Variants in SCHIP1 observed in about 807,000 individuals in gnomAD.
SCHIP1 encodes the protein schwannomin interacting protein 1.
In SCHIP1, 8 loss-of-function variants were observed where a neutral mutation model predicts 29.7. That is an observed-to-expected ratio of 0.27 (90% CI 0.16 to 0.49). The LOEUF is 0.49. SCHIP1 is among the 20% of genes least tolerant of loss of function. The probability of loss-of-function intolerance (pLI) is 0.99; values close to 1 mark genes in which losing one functional copy is unlikely to be tolerated. For missense variants in SCHIP1, 193 were observed against 294.6 expected (o/e 0.66, Z 2.52); for synonymous variants, 76 against 94.9 (o/e 0.80, Z 1.16).
intron 2 of SCHIP1, among the ~76,000 whole-genome samples, chr3:159,868,943 C>T (rs951051607): frequency 2.6e-5 from 4 of 151,960 alleles, no homozygotes; most frequent in South Asian, 2.1e-4. Context: ...GGATCCATAA[C>T]GTTACTAACA....
At chr3:159,345,884 A>G in the SCHIP1 span, among the ~76,000 whole-genome samples, 1 of 152,140 alleles carries the variant, frequency 6.6e-6, no homozygotes, top group Non-Finnish European at 1.5e-5. Context: ...CATTAATAGT[A>G]TGGAATGAAT....
chr3:159,847,159 G>T (rs1711955826), intron 1 of SCHIP1, among the ~76,000 whole-genome samples: 1 of 152,138 alleles, frequency 6.6e-6, no homozygotes, highest in Non-Finnish European at 1.5e-5. Flanking sequence ...GTGGTGATGG[G>T]GGGTGGGAAG....
chr3:159,500,452 G>A, the SCHIP1 span, among the ~76,000 whole-genome samples: 6 of 152,068 alleles, frequency 3.9e-5, no homozygotes, highest in African/African-American at 2.4e-5. Flanking sequence ...GTTGGCTCAC[G>A]CCTGTAATCC....
chr3:159,394,020 T>G, the SCHIP1 span, among the ~76,000 whole-genome samples: 67 of 152,114 alleles, frequency 4.4e-4, no homozygotes, highest in South Asian at 5.6e-3. Flanking sequence ...TCCTTGAAGA[T>G]GTCCTTCACA....
chr3:159,443,249 C>T, the SCHIP1 span, among the ~76,000 whole-genome samples: 1 of 152,274 alleles, frequency 6.6e-6, no homozygotes, highest in East Asian at 1.9e-4. Context: ...GAACATAAAT[C>T]TTTCTGATCA....
At chr3:159,582,403 G>A in the SCHIP1 span, among the ~76,000 whole-genome samples, 1 of 152,132 alleles carries the variant, frequency 6.6e-6, no homozygotes, top group Non-Finnish European at 1.5e-5. Context: ...CTGGACTCAA[G>A]TGATCCTCCT....
the SCHIP1 span, among the ~76,000 whole-genome samples, chr3:159,674,173 C>G: frequency 6.6e-6 from 1 of 152,232 alleles, no homozygotes; most frequent in Non-Finnish European, 1.5e-5. Flanking sequence ...CTTCATCAAT[C>G]CCTTGCCATC....
the SCHIP1 span, among the ~76,000 whole-genome samples, chr3:159,805,533 G>C: frequency 3.9e-5 from 6 of 152,264 alleles, no homozygotes; most frequent in African/African-American, 1.4e-4. Flanking sequence ...CCCTCACCTT[G>C]CTGATCAGCA....
the SCHIP1 span, among the ~76,000 whole-genome samples, chr3:159,717,506 G>A: frequency 1.3e-5 from 2 of 152,058 alleles, no homozygotes; most frequent in African/African-American, 4.8e-5. Flanking sequence ...GAAGAAAAGA[G>A]AGAAGAATCA....
the SCHIP1 span, among the ~76,000 whole-genome samples, chr3:159,277,333 A>T: frequency 6.6e-6 from 1 of 152,236 alleles, no homozygotes; most frequent in South Asian, 2.1e-4. Flanking sequence ...CAGTAGATAT[A>T]AAAGAATATA....
chr3:159,738,553 G>T, the SCHIP1 span, among the ~76,000 whole-genome samples: 21 of 152,250 alleles, frequency 1.4e-4, no homozygotes, highest in Admixed American at 2.6e-4. Context: ...TTTTTCTGCT[G>T]CATCCTAACA....
At chr3:159,832,717 C>T in the SCHIP1 span, among the ~76,000 whole-genome samples, 1 of 152,170 alleles carries the variant, frequency 6.6e-6, no homozygotes, top group Non-Finnish European at 1.5e-5. Flanking sequence ...TGTCACTTCT[C>T]ACTGTGTTAG....
At chr3:159,314,976 T>A in the SCHIP1 span, among the ~76,000 whole-genome samples, 6 of 152,316 alleles carry the variant, frequency 3.9e-5, no homozygotes, top group South Asian at 1.2e-3. Flanking sequence ...TTCTAATAGA[T>A]GTCTTTTGTT....
At chr3:159,526,550 G>A in the SCHIP1 span, among the ~76,000 whole-genome samples, 1 of 152,136 alleles carries the variant, frequency 6.6e-6, no homozygotes, top group Non-Finnish European at 1.5e-5. Flanking sequence ...GTCTTTATTT[G>A]GTTTCTGCTT....
chr3:159,883,952 A>G (rs1230806825), intron 2 of SCHIP1, among the ~76,000 whole-genome samples: 1 of 152,218 alleles, frequency 6.6e-6, no homozygotes, highest in Non-Finnish European at 1.5e-5. Context: ...AACAGAATTT[A>G]TGATCAGACT....
chr3:159,637,892 A>G, the SCHIP1 span, among the ~76,000 whole-genome samples: 1 of 152,218 alleles, frequency 6.6e-6, no homozygotes, highest in Non-Finnish European at 1.5e-5. Context: ...CTAAATGCTT[A>G]TGCCCATAGA....
At chr3:159,587,737 G>C in the SCHIP1 span, among the ~76,000 whole-genome samples, 1 of 152,060 alleles carries the variant, frequency 6.6e-6, no homozygotes. Context: ...TTTTGTCCCT[G>C]TGTTAGTTGC....
the SCHIP1 span, among the ~76,000 whole-genome samples, chr3:159,409,663 T>C: frequency 6.6e-6 from 1 of 152,148 alleles, no homozygotes; most frequent in Non-Finnish European, 1.5e-5. Flanking sequence ...AGATATTCCA[T>C]GTTCACGGAA....
chr3:159,711,494 G>T, the SCHIP1 span, among the ~76,000 whole-genome samples: 1 of 148,284 alleles, frequency 6.7e-6, no homozygotes, highest in East Asian at 2.0e-4. Context: ...GTAAAACAAT[G>T]AAGAGAAATG....
Sources: allele counts gnomAD v4.1 joint callset (sites outside exome capture counted in the v4.1 genomes callset), GRCh38; gene constraint gnomAD v4.1.1; transcripts MANE v1.5; gene names NCBI Gene and HGNC (gene_info 2026-07-23, HGNC 2026-07-21).